The following SEM1 variants were observed in gnomAD, a reference collection of about 807,000 sequenced individuals.
The protein encoded by SEM1 is 26S proteasome complex subunit SEM1.
SEM1 carries 3 observed loss-of-function variants against 12.7 expected under a neutral mutation model. That is an observed-to-expected ratio of 0.24 (90% CI 0.11 to 0.61). The LOEUF (loss-of-function observed/expected upper bound fraction) is 0.61. SEM1 is among the 20% of genes least tolerant of loss of function. SEM1 has a pLI of 0.88. For synonymous variants in SEM1, 30 were observed against 27.8 expected (o/e 1.08, Z -0.25); for missense variants, 59 against 81.3 (o/e 0.73, Z 1.06).
chr7:96,510,676 G>A (rs1446499006), intron 2 of SEM1, among the ~76,000 whole-genome samples: 1 of 152,050 alleles, frequency 6.6e-6, no homozygotes, highest in African/African-American at 2.4e-5. Flanking sequence ...TTACCACATA[G>A]CATGCCAATA....
At chr7:96,534,995 C>T (rs562152027) in intron 2 of SEM1, among the ~76,000 whole-genome samples, 1 of 151,788 alleles carries the variant, frequency 6.6e-6, no homozygotes, top group Non-Finnish European at 1.5e-5. Flanking sequence ...TGTAAGAGAG[C>T]AAAGGAGTCC....
chr7:96,544,551 C>T (rs1805049967), intron 2 of SEM1, among the ~76,000 whole-genome samples: 1 of 151,856 alleles, frequency 6.6e-6, no homozygotes, highest in South Asian at 2.1e-4. Flanking sequence ...TTTAATGTTA[C>T]TGAATATTAG....
intron 2 of SEM1, among the ~76,000 whole-genome samples, chr7:96,550,429 G>A (rs1225564728): frequency 6.6e-6 from 1 of 152,060 alleles, no homozygotes; most frequent in African/African-American, 2.4e-5. Flanking sequence ...TATTTTGATT[G>A]CAAAATCGTT....
chr7:96,674,039 G>T (rs1163079884), intron 2 of SEM1, among the ~76,000 whole-genome samples: 2 of 152,018 alleles, frequency 1.3e-5, no homozygotes, highest in African/African-American at 4.8e-5. Flanking sequence ...TTTAGATCAT[G>T]AATTATATAT....
At chr7:96,540,766 T>C (rs1488405499) in intron 2 of SEM1, among the ~76,000 whole-genome samples, 1 of 151,766 alleles carries the variant, frequency 6.6e-6, no homozygotes, top group Admixed American at 6.6e-5. Flanking sequence ...GTTTCCAGTG[T>C]CTATTATTGC....
rs377171533 is a variant in SEM1 at position 96,689,017 on chromosome 7, C to A, written c.171-51G>T. Reference sequence around the variant, plus strand: ...CTAGGTATTCTTTATAATAAACATTCTTTTAGAAACAATACAATAAATAAA... The same window carrying A: ...CTAGGTATTCTTTATAATAAACATTATTTTAGAAACAATACAATAAATAAA... On this transcript the variant is annotated intron_variant, in intron 2 of 2. Transcript: ENST00000248566. 5 of 1,113,266 alleles carry A rather than the reference C, an allele frequency of 4.5e-6. No individual in the cohort carries two copies. The African/African-American group carries it at 4.7e-5, about 10-fold the overall frequency. The allele number at this position is 1,113,266 out of a possible 1,614,324, so 69.0% of individuals were successfully genotyped here.
upstream of SEM1, among the ~76,000 whole-genome samples, chr7:96,496,883 A>G (rs1435232118): frequency 6.6e-6 from 1 of 152,054 alleles, no homozygotes; most frequent in African/African-American, 2.4e-5. Flanking sequence ...CAGCCTGAAG[A>G]TTAAATACCA....
chr7:96,630,225 T>A (rs937269598), intron 2 of SEM1, among the ~76,000 whole-genome samples: 3 of 152,154 alleles, frequency 2.0e-5, no homozygotes, highest in African/African-American at 7.2e-5. Flanking sequence ...GGTGGTGAGT[T>A]CCTCCACTCC....
chr7:96,571,168 G>A (rs923745743), intron 2 of SEM1, among the ~76,000 whole-genome samples: 4 of 152,102 alleles, frequency 2.6e-5, no homozygotes, highest in African/African-American at 9.7e-5. Flanking sequence ...TTTTCACTAT[G>A]ATGATAGTTT....
At chr7:96,674,127 T>C (rs943418172) in intron 2 of SEM1, among the ~76,000 whole-genome samples, 1 of 152,198 alleles carries the variant, frequency 6.6e-6, no homozygotes, top group African/African-American at 2.4e-5. Context: ...TCCTGTTCTT[T>C]CTTTAAAATT....
intron 3 of SEM1, chr7:96,503,618 A>G (rs182521118): frequency 2.0e-5 from 3 of 152,276 alleles, no homozygotes; most frequent in Non-Finnish European, 4.4e-5. Flanking sequence ...GTGTGCTGAA[A>G]TAACACAGGG....
At chr7:96,577,628 A>G (rs1806249886) in intron 2 of SEM1, among the ~76,000 whole-genome samples, 1 of 152,162 alleles carries the variant, frequency 6.6e-6, no homozygotes, top group African/African-American at 2.4e-5. Flanking sequence ...AAAGAATTCA[A>G]TGCCCTTGGA....
At chr7:96,630,353 C>T (rs1437396212) in intron 2 of SEM1, among the ~76,000 whole-genome samples, 1 of 152,154 alleles carries the variant, frequency 6.6e-6, no homozygotes, top group Non-Finnish European at 1.5e-5. Flanking sequence ...AAGGCACAGT[C>T]CTTCCCACTC....
intron 1 of SEM1, among the ~76,000 whole-genome samples, chr7:96,492,923 A>G (rs533494443): frequency 4.6e-5 from 7 of 152,016 alleles, no homozygotes; most frequent in Admixed American, 3.3e-4. Context: ...CCTACTTTCA[A>G]TTATTTCTGG....
chr7:96,541,168 T>C (rs1453444158), intron 2 of SEM1, among the ~76,000 whole-genome samples: 3 of 152,040 alleles, frequency 2.0e-5, no homozygotes, highest in African/African-American at 7.2e-5. Context: ...ATCTCTAAAC[T>C]GCTTTCCACA....
chr7:96,581,032 G>T (rs1806382840), intron 2 of SEM1, among the ~76,000 whole-genome samples: 1 of 152,194 alleles, frequency 6.6e-6, no homozygotes, highest in African/African-American at 2.4e-5. Context: ...TTGTAGACAT[G>T]AAGTCCTTGC....
At position 96,536,408 on chromosome 7, in the gene SEM1, T is replaced by C. The variant is rs191717354; in HGVS notation, c.171-29710A>G. ...TATTCTGCTGTTATTGGTAGGAGCA[T>C]TCTATAGATATCAATGAAATCAAGT... is the stretch of plus-strand genomic sequence containing the variant. On this transcript the variant is annotated intron_variant and NMD_transcript_variant, in intron 2 of 3. Coordinates refer to the SEM1 transcript ENST00000466986. 1.7e-3 allele frequency among the ~76,000 whole-genome samples: 261 copies of C among 151,952 alleles called. 1 individual carries two copies. Among genetic ancestry groups the C allele is most frequent in the African/African-American group, 5.9e-3 (247 of 41,530 alleles).
intron 2 of SEM1, among the ~76,000 whole-genome samples, chr7:96,616,921 C>G (rs1807739941): frequency 1.3e-5 from 2 of 151,906 alleles, no homozygotes; most frequent in South Asian, 4.2e-4. Context: ...ATTTTTACAC[C>G]AGTATTATGC....
chr7:96,568,835 T>C (rs1270461700), intron 2 of SEM1, among the ~76,000 whole-genome samples: 1 of 151,950 alleles, frequency 6.6e-6, no homozygotes, highest in East Asian at 1.9e-4. Context: ...TTTTATCTCC[T>C]AATAAATGTT....
Sources: gnomAD v4.1 joint callset for allele counts (sites outside exome capture counted in the v4.1 genomes callset) on GRCh38, gnomAD v4.1.1 for gene constraint, MANE v1.5 for transcripts, NCBI Gene and HGNC (gene_info 2026-07-23, HGNC 2026-07-21) for gene names.